Variants in STPG2 observed in about 807,000 individuals in gnomAD.
STPG2 encodes the protein sperm-tail PG-rich repeat-containing protein 2.
In STPG2, 56 loss-of-function variants were observed where a neutral mutation model predicts 54.2. The ratio of observed to expected loss-of-function variants is 1.03; its 90% confidence interval spans 0.83 to 1.29. The LOEUF (loss-of-function observed/expected upper bound fraction) is 1.29. Among genes scored for constraint, STPG2 ranks in the 50% most tolerant of loss-of-function variants. The probability of loss-of-function intolerance (pLI) is 0.00; values close to 1 mark genes in which losing one functional copy is unlikely to be tolerated. For synonymous variants in STPG2, 200 were observed against 181.8 expected, an observed-to-expected ratio of 1.10 and a Z score of -0.81; for missense variants, 596 against 544.9, an observed-to-expected ratio of 1.09 and a Z score of -0.93.
At chr4:97,516,872 G>C (rs1731086870) in intron 4 of STPG2, among the ~76,000 whole-genome samples, 1 of 150,622 alleles carries the variant, frequency 6.6e-6, no homozygotes, top group African/African-American at 2.4e-5. Context: ...ATATGGTCTG[G>C]CCCTGGAGAG....
Position 97,994,228 on chromosome 4 carries a change from C to T in STPG2, c.613-12910G>A, listed in dbSNP as rs550878269. ...CAACTTTATTTCATTGTTAACCCAA[C>T]GTTCATTCAGGAGCAGGTTATTTAA... On this transcript the variant is annotated intron_variant, in intron 5 of 10. Transcript: ENST00000295268. 9.2e-5 allele frequency among the ~76,000 whole-genome samples: 14 copies of T among 151,914 alleles called. No homozygotes were observed. In the South Asian group the frequency reaches 1.0e-3, roughly 11 times the overall value.
intron 9 of STPG2, among the ~76,000 whole-genome samples, chr4:97,789,636 A>G (rs923171053): frequency 3.3e-5 from 5 of 152,208 alleles, no homozygotes; most frequent in African/African-American, 1.2e-4. Context: ...ATGATTATAT[A>G]CGAACTATTT....
At chr4:97,927,091 C>T (rs1732358903) in intron 8 of STPG2, among the ~76,000 whole-genome samples, 1 of 152,040 alleles carries the variant, frequency 6.6e-6, no homozygotes, top group African/African-American at 2.4e-5. Context: ...TTTTCTAATT[C>T]CAAAGCTTTT....
intron 7 of STPG2, among the ~76,000 whole-genome samples, chr4:97,958,552 A>T (rs1282282538): frequency 6.6e-6 from 1 of 152,108 alleles, no homozygotes; most frequent in Non-Finnish European, 1.5e-5. Flanking sequence ...GGAAAAAGAC[A>T]CTCCATGCAA....
At chr4:97,914,417 T>A (rs898807154) in intron 8 of STPG2, among the ~76,000 whole-genome samples, 3 of 152,194 alleles carry the variant, frequency 2.0e-5, no homozygotes, top group African/African-American at 7.2e-5. Context: ...AGATTTTTTT[T>A]AACTTTTTTT....
At chr4:97,509,787 A>C (rs1163545699) in intron 4 of STPG2, among the ~76,000 whole-genome samples, 3 of 152,120 alleles carry the variant, frequency 2.0e-5, no homozygotes, top group African/African-American at 7.2e-5. Context: ...TGTGCTTCAG[A>C]ATTACAGATA....
chr4:97,540,833 A>T (rs906419982), intron 4 of STPG2, among the ~76,000 whole-genome samples: 1 of 152,158 alleles, frequency 6.6e-6, no homozygotes, highest in Middle Eastern at 3.4e-3. Context: ...ATCAACAAAC[A>T]TAATCCAGCA....
At chr4:97,859,101 G>A (rs1329262297) in intron 8 of STPG2, among the ~76,000 whole-genome samples, 6 of 152,096 alleles carry the variant, frequency 3.9e-5, no homozygotes, top group Non-Finnish European at 1.5e-5. Flanking sequence ...CAGGAGTAAG[G>A]TGGAATCTCA....
At chr4:97,957,612 T>C (rs751716425) in intron 7 of STPG2, among the ~76,000 whole-genome samples, 28 of 151,570 alleles carry the variant, frequency 1.8e-4, no homozygotes, top group Admixed American at 9.9e-4. Flanking sequence ...CTAGGGAAAA[T>C]GTTATCAGGT....
At chr4:97,973,391 C>T (rs2195016) in intron 6 of STPG2, among the ~76,000 whole-genome samples, 39,978 of 152,068 alleles carry the variant, frequency 0.26, 5,719 homozygotes, top group Middle Eastern at 0.36. Flanking sequence ...CAAGATGTGA[C>T]TTGGGTGCTG....
downstream of STPG2, among the ~76,000 whole-genome samples, chr4:97,556,971 A>C (rs1405558336): frequency 6.6e-6 from 1 of 152,192 alleles, no homozygotes; most frequent in African/African-American, 2.4e-5. Context: ...TCAAGAGGTC[A>C]AGAGCTCGAG....
At chr4:97,982,517 C>T (rs1281026140) in intron 5 of STPG2, among the ~76,000 whole-genome samples, 2 of 152,024 alleles carry the variant, frequency 1.3e-5, no homozygotes, top group Admixed American at 1.3e-4. Flanking sequence ...GTACAGTTAT[C>T]AACTTCAGTA....
At chr4:97,937,352 T>C (rs1475537363) in intron 8 of STPG2, among the ~76,000 whole-genome samples, 1 of 152,102 alleles carries the variant, frequency 6.6e-6, no homozygotes, top group Non-Finnish European at 1.5e-5. Context: ...AAGTATGTTA[T>C]TATCCACCTT....
chr4:98,086,247 C>T (rs1738499898), intron 5 of STPG2, among the ~76,000 whole-genome samples: 1 of 152,040 alleles, frequency 6.6e-6, no homozygotes, highest in Admixed American at 6.5e-5. Flanking sequence ...ATCCTCATTT[C>T]ACAGAAGAGC....
At chr4:97,680,136 G>T (rs74855940) in intron 10 of STPG2, among the ~76,000 whole-genome samples, 85,170 of 147,030 alleles carry the variant, frequency 0.58, 24,832 homozygotes, top group South Asian at 0.67. Context: ...ATATGAACTT[G>T]AAAGTAGTTT....
intron 5 of STPG2, among the ~76,000 whole-genome samples, chr4:98,053,544 A>T (rs1404448691): frequency 6.8e-6 from 1 of 147,032 alleles, no homozygotes; most frequent in East Asian, 2.0e-4. Context: ...AACAAAAAAA[A>T]AATCTAAATT....
chr4:98,132,977 G>T (rs1017759116), intron 2 of STPG2, among the ~76,000 whole-genome samples: 1 of 148,058 alleles, frequency 6.8e-6, no homozygotes, highest in Non-Finnish European at 1.5e-5. Flanking sequence ...AAAAAAGTTG[G>T]CATTCATATT....
At chr4:97,729,383 A>G (rs1178335562) in intron 9 of STPG2, among the ~76,000 whole-genome samples, 1 of 152,106 alleles carries the variant, frequency 6.6e-6, no homozygotes, top group Non-Finnish European at 1.5e-5. Context: ...AACCACAATT[A>G]CTTTTGCATC....
chr4:98,053,139 T>C (rs1737378054), intron 5 of STPG2, among the ~76,000 whole-genome samples: 1 of 152,170 alleles, frequency 6.6e-6, no homozygotes, highest in Admixed American at 6.5e-5. Flanking sequence ...ATTTATACCA[T>C]ACCTTTCCAA....
Sources: allele counts gnomAD v4.1 joint callset (sites outside exome capture counted in the v4.1 genomes callset), GRCh38; gene constraint gnomAD v4.1.1; transcripts MANE v1.5; gene names NCBI Gene and HGNC (gene_info 2026-07-23, HGNC 2026-07-21).